The following FNBP1 variants were observed in gnomAD, a reference collection of about 807,000 sequenced individuals.
The protein encoded by FNBP1 is formin binding protein 1.
FNBP1 carries 26 observed loss-of-function variants against 90.6 expected under a neutral mutation model. The ratio of observed to expected loss-of-function variants is 0.29; its 90% CI spans 0.21 to 0.40. The LOEUF (loss-of-function observed/expected upper bound fraction) is 0.40, where lower values mean the gene tolerates loss of function less well. FNBP1 is among the 10% of genes least tolerant of loss of function. FNBP1 has a pLI of 1.00. For synonymous variants in FNBP1, 260 were observed against 265.2 expected (o/e 0.98, Z 0.19); for missense variants, 635 against 768.0 (o/e 0.83, Z 2.05).
intron 1 of FNBP1, chr9:130,014,019 CA>C: frequency 6.6e-6 from 3 of 456,630 alleles, no homozygotes; most frequent in South Asian, 4.6e-5. Flanking sequence ...TAGACTAAGA[CA>C]AACCCACCTG....
chr9:129,914,383 C>A (rs79838531), intron 11 of FNBP1, among the ~76,000 whole-genome samples: 29 of 152,044 alleles, frequency 1.9e-4, no homozygotes, highest in African/African-American at 7.0e-4. Context: ...TATAAAGCAA[C>A]AATTCAATAC....
intron 11 of FNBP1, among the ~76,000 whole-genome samples, chr9:129,914,328 G>A (rs1272227210): frequency 6.6e-6 from 1 of 151,908 alleles, no homozygotes; most frequent in Non-Finnish European, 1.5e-5. Context: ...ACAAACCACC[G>A]TGCCCAGCCA....
At chr9:130,039,492 T>C (rs1275606549) in intron 1 of FNBP1, among the ~76,000 whole-genome samples, 1 of 151,874 alleles carries the variant, frequency 6.6e-6, no homozygotes, top group Non-Finnish European at 1.5e-5. Flanking sequence ...CTGGCCAACA[T>C]GGTGAAACCC....
At chr9:130,023,494 TA>T (rs1220419459) in intron 1 of FNBP1, among the ~76,000 whole-genome samples, 2 of 152,032 alleles carry the variant, frequency 1.3e-5, no homozygotes, top group Non-Finnish European at 2.9e-5. Flanking sequence ...AGAGCTGGGA[TA>T]AAGGAGTTCA....
chr9:129,987,153 G>C (rs576465712), intron 2 of FNBP1, among the ~76,000 whole-genome samples: 1 of 152,114 alleles, frequency 6.6e-6, no homozygotes, highest in African/African-American at 2.4e-5. Context: ...GAGAGAGAAA[G>C]TGTGACCAGA....
At chr9:129,983,550 G>T (rs2051635777) in intron 2 of FNBP1, among the ~76,000 whole-genome samples, 1 of 152,200 alleles carries the variant, frequency 6.6e-6, no homozygotes, top group African/African-American at 2.4e-5. Context: ...TTCAGGCGCG[G>T]TGGCTCATGC....
chr9:130,018,068 C>G (rs1021848972), intron 1 of FNBP1, among the ~76,000 whole-genome samples: 3 of 150,958 alleles, frequency 2.0e-5, no homozygotes, highest in South Asian at 4.2e-4. Flanking sequence ...CACCTGCCAC[C>G]ACGCCTGGCT....
At chr9:129,899,476 T>G (rs1047081705) in intron 15 of FNBP1, among the ~76,000 whole-genome samples, 1 of 152,062 alleles carries the variant, frequency 6.6e-6, no homozygotes, top group East Asian at 2.0e-4. Context: ...TTTGGGAGGC[T>G]GAGGCAGGAG....
At position 129,905,314 on chromosome 9, in the gene FNBP1, T is replaced by TATATATATA. The variant is rs1564282833; in HGVS notation, c.1296-2314_1296-2313insTATATATAT. On this transcript the variant is annotated intron_variant, in intron 12 of 16. Coordinates refer to ENST00000446176, the MANE Select transcript of FNBP1 (RefSeq NM_015033.3). ...TGTGTGTATATATATATATATATAT[T>TATATATATA]TTGTTAATTATTTTTGAGATAGGGT... Among the ~76,000 whole-genome samples the TATATATATA allele has an allele frequency of 1.4e-4, 7 of 48,840 alleles. No homozygotes were observed. In the South Asian group the frequency reaches 2.8e-3, roughly 20 times the overall value. 32.0% of individuals were successfully genotyped at this position (48,840 alleles called of 152,430 possible).
Position 129,974,871 on chromosome 9 carries a change from G to A in FNBP1, c.345+3594C>T, listed in dbSNP as rs78317519. Among the ~76,000 whole-genome samples, 748 of 148,542 alleles carry A rather than the reference G, an allele frequency of 5.0e-3. 9 individuals carry two copies. Among genetic ancestry groups the A allele is most frequent in the African/African-American group, 0.017 (706 of 40,488 alleles). ...TGAGACCCTGAAGAAAAAAAAAAAA[G>A]AAAGAAAGAAAAAAGGAAAAAGAAA... is the stretch of plus-strand genomic sequence containing the variant. On this transcript the variant is annotated intron_variant, in intron 4 of 16. Coordinates refer to ENST00000446176, the MANE Select transcript of FNBP1 (RefSeq NM_015033.3).
chr9:129,919,812 G>A lies in FNBP1; in HGVS notation c.1171-3832C>T, dbSNP rs112048332. ...AGGAACTTTTTCTAGTTAAATTATCGTTGGCATAATGCTGTTAAGTTACAA... is the reference window on the plus strand; with the variant it reads ...AGGAACTTTTTCTAGTTAAATTATCATTGGCATAATGCTGTTAAGTTACAA... On this transcript the variant is annotated intron_variant, in intron 10 of 16. Coordinates refer to ENST00000446176, the MANE Select transcript of FNBP1 (RefSeq NM_015033.3). Among the ~76,000 whole-genome samples the A allele has an allele frequency of 8.5e-3, 1,297 of 152,224 alleles. 16 individuals carry two copies. The highest frequency in any genetic ancestry group is 0.03 in the African/African-American group (1,235 of 41,528).
At chr9:129,958,262 T>G (rs899100157) in intron 5 of FNBP1, among the ~76,000 whole-genome samples, 3 of 151,878 alleles carry the variant, frequency 2.0e-5, no homozygotes, top group Non-Finnish European at 4.4e-5. Context: ...CAAAACCCCA[T>G]CTCTACCAAA....
intron 2 of FNBP1, among the ~76,000 whole-genome samples, chr9:129,992,098 A>G (rs1589124578): frequency 6.6e-6 from 1 of 152,170 alleles, no homozygotes; most frequent in East Asian, 1.9e-4. Context: ...TGAGGTCACC[A>G]GGAGAGTACA....
At chr9:129,958,300 C>T (rs557862490) in intron 5 of FNBP1, among the ~76,000 whole-genome samples, 191 bp downstream of exon 5, 7 of 152,102 alleles carry the variant, frequency 4.6e-5, no homozygotes, top group East Asian at 3.9e-4. Flanking sequence ...GGCATGGTGA[C>T]GTGTGCCTGT....
At chr9:130,047,530 G>C (rs963129599), upstream of FNBP1, among the ~76,000 whole-genome samples, 3 of 152,164 alleles carry the variant, frequency 2.0e-5, no homozygotes, top group African/African-American at 7.2e-5. Context: ...GGAGAATCGC[G>C]TGAACCTGGG....
At chr9:129,909,193 A>G (rs2131543510) in intron 11 of FNBP1, 194 bp from the exon 12 acceptor site, 1 of 611,742 alleles carries the variant, frequency 1.6e-6, no homozygotes, top group East Asian at 2.9e-5. Context: ...CCCATAAACC[A>G]TTCCCAGTTC....
In FNBP1 at chr9:130,043,086, T is replaced by G; in HGVS notation, c.-111A>C. On this transcript the variant is annotated 5_prime_UTR_variant, in exon 1 of 17. Coordinates refer to ENST00000446176, the MANE Select transcript of FNBP1 (RefSeq NM_015033.3). Reference sequence around the variant, plus strand: ...CCCCGCGACGGCGGAAAGCCCGGAGTCCGCGCGGCCTCCTCCGGCTCGCAG... The same window carrying G: ...CCCCGCGACGGCGGAAAGCCCGGAGGCCGCGCGGCCTCCTCCGGCTCGCAG... 1 of 1,043,522 alleles carries G rather than the reference T, an allele frequency of 9.6e-7. No homozygotes were observed. Among genetic ancestry groups the G allele is most frequent in the East Asian group, 3.3e-5 (1 of 29,976 alleles). The allele number at this position is 1,043,522 out of a possible 1,614,324, so 64.6% of individuals were successfully genotyped here.
At position 129,890,297 on chromosome 9, in the gene FNBP1, G is replaced by A. The variant is rs761898693; in HGVS notation, c.*242C>T. ...CCTGCGCGGGGTGGGGAGGGGGAGC[G>A]ATGAGGACTGACCCGAGCCATGGGG... On this transcript the variant is annotated 3_prime_UTR_variant, in exon 17 of 17. Coordinates refer to ENST00000446176, the MANE Select transcript of FNBP1 (RefSeq NM_015033.3). The surrounding 1 kb of genome is among the most constrained non-coding windows in gnomAD (Gnocchi z 5.8). 7.6e-4 allele frequency: 420 copies of A among 554,272 alleles called. No homozygotes were observed. The highest frequency in any genetic ancestry group is 1.3e-3 in the Admixed American group (41 of 30,398). The allele number at this position is 554,272 out of a possible 1,614,324, so 34.3% of individuals were successfully genotyped here.
At chr9:129,940,580 A>C (rs1467083905) in intron 6 of FNBP1, among the ~76,000 whole-genome samples, 1 of 150,830 alleles carries the variant, frequency 6.6e-6, no homozygotes, top group Non-Finnish European at 1.5e-5. Flanking sequence ...ATAACAACAT[A>C]ATATAGGAAG....
Sources: gnomAD v4.1 joint callset for allele counts (sites outside exome capture counted in the v4.1 genomes callset) on GRCh38, gnomAD v4.1.1 for gene constraint, Gnocchi (gnomAD v3.1) non-coding constraint, MANE v1.5 for transcripts, NCBI Gene and HGNC (gene_info 2026-07-23, HGNC 2026-07-21) for gene names.